ACOXL: variants seen among roughly 807,000 people sequenced by gnomAD.
ACOXL encodes acyl-CoA oxidase like.
A neutral mutation model predicts 71.9 loss-of-function variants in ACOXL; 70 were observed. The observed-to-expected ratio is 0.97, with a 90% confidence interval of 0.80 to 1.19. The LOEUF is 1.19. Ranked by LOEUF, ACOXL falls within the 50% of genes most tolerant of loss-of-function variation. The pLI is 0.00. For synonymous variants in ACOXL, 253 were observed against 281.6 expected, an observed-to-expected ratio of 0.90 and a Z score of 1.02; for missense variants, 703 against 736.3, an observed-to-expected ratio of 0.95 and a Z score of 0.52.
At chr2:110,807,253 C>G (rs1289707479) in intron 9 of ACOXL, among the ~76,000 whole-genome samples, 1 of 152,224 alleles carries the variant, frequency 6.6e-6, no homozygotes, top group Non-Finnish European at 1.5e-5. Context: ...CTCTAGGGCT[C>G]AGTTTCTTCA....
At chr2:110,826,430 G>A (rs1689168384) in intron 9 of ACOXL, among the ~76,000 whole-genome samples, 1 of 152,214 alleles carries the variant, frequency 6.6e-6, no homozygotes, top group African/African-American at 2.4e-5. Context: ...GAAGAGTCAT[G>A]CTTCCTTCTC....
chr2:110,895,448 C>T (rs1185766662), intron 10 of ACOXL, among the ~76,000 whole-genome samples: 1 of 152,020 alleles, frequency 6.6e-6, no homozygotes, highest in African/African-American at 2.4e-5. Flanking sequence ...AAAGATCTAA[C>T]ATTTGTGTCT....
intron 10 of ACOXL, among the ~76,000 whole-genome samples, chr2:110,897,750 G>A (rs1168235793): frequency 6.0e-5 from 9 of 150,844 alleles, no homozygotes; most frequent in African/African-American, 7.3e-5. Flanking sequence ...AAAGACAAGC[G>A]CAGAAATCAA....
At chr2:111,106,275 C>T (rs2069534748) in intron 17 of ACOXL, among the ~76,000 whole-genome samples, 1 of 152,180 alleles carries the variant, frequency 6.6e-6, no homozygotes, top group South Asian at 2.1e-4. Context: ...CCAATTCCTT[C>T]CACTGTCCCC....
At chr2:110,762,412 T>C (rs1440026689) in intron 1 of ACOXL, among the ~76,000 whole-genome samples, 1 of 152,132 alleles carries the variant, frequency 6.6e-6, no homozygotes, top group Non-Finnish European at 1.5e-5. Flanking sequence ...TTTCTCTTAT[T>C]TTTTTTGTTT....
chr2:110,798,641 C>T lies in ACOXL; in HGVS notation c.377C>T (p.Ala126Val), dbSNP rs551873770. ...EFVIDTPCENAEKMYIGNAMY... is the reference protein window; with the variant it reads ...EFVIDTPCENVEKMYIGNAMY... ...GTAATTGACACGCCGTGTGAAAATGCGGAGAAGATGTATATTGGAAATGCC... is the reference window on the plus strand; with the variant it reads ...GTAATTGACACGCCGTGTGAAAATGTGGAGAAGATGTATATTGGAAATGCC... The change falls in exon 6 of 18, where the codon GCG becomes GTG. Residue 126 changes from alanine (A) to valine (V), a missense_variant. Transcript: ENST00000439055. 94 of 1,613,970 alleles carry T rather than the reference C, an allele frequency of 5.8e-5. 1 individual carries two copies. Among genetic ancestry groups the T allele is most frequent in the South Asian group, 5.2e-4 (47 of 91,080 alleles).
intron 7 of ACOXL, among the ~76,000 whole-genome samples, 158 bp downstream of exon 7, chr2:110,799,258 T>C (rs1162957551): frequency 6.6e-6 from 1 of 152,230 alleles, no homozygotes; most frequent in Non-Finnish European, 1.5e-5. Flanking sequence ...TGAAGTCTTT[T>C]ATGTAGAACT....
chr2:111,083,944 G>T (rs1011365692), intron 16 of ACOXL, among the ~76,000 whole-genome samples: 10 of 152,046 alleles, frequency 6.6e-5, no homozygotes, highest in Non-Finnish European at 2.9e-5. Flanking sequence ...TTAGATATTA[G>T]ACTCTATAGA....
intron 14 of ACOXL, among the ~76,000 whole-genome samples, chr2:111,028,822 G>A (rs1002182196): frequency 3.9e-5 from 6 of 152,186 alleles, no homozygotes; most frequent in East Asian, 1.9e-4. Context: ...AGTATGGGAT[G>A]TTGTTGATAT....
At chr2:111,081,990 C>T (rs1347677197) in intron 16 of ACOXL, among the ~76,000 whole-genome samples, 2 of 152,112 alleles carry the variant, frequency 1.3e-5, no homozygotes, top group Non-Finnish European at 2.9e-5. Flanking sequence ...AAACTGGACC[C>T]CTTGCTTACA....
intron 9 of ACOXL, among the ~76,000 whole-genome samples, chr2:110,834,716 C>T (rs1251282364): frequency 1.3e-5 from 2 of 152,250 alleles, no homozygotes; most frequent in African/African-American, 4.8e-5. Context: ...TTTGAGTTCC[C>T]TCTCTGGAGA....
In ACOXL at chr2:110,896,480, G is replaced by A. The variant is rs187353816; in HGVS notation, c.789-12309G>A. ...TAACTGAACTCTATGCTGTCTATAA[G>A]AAACTCACTTCAAATGTAACAATAT... On this transcript the variant is annotated intron_variant, in intron 10 of 17. Coordinates refer to ENST00000439055, the MANE Select transcript of ACOXL (RefSeq NM_001142807.4). Among the ~76,000 whole-genome samples, 4 of 152,100 alleles carry A rather than the reference G, an allele frequency of 2.6e-5. No individual in the cohort carries two copies. The East Asian group carries it at 7.7e-4, about 29-fold the overall frequency.
intron 12 of ACOXL, among the ~76,000 whole-genome samples, chr2:110,939,923 G>T (rs2060807498): frequency 6.6e-6 from 1 of 152,170 alleles, no homozygotes; most frequent in South Asian, 2.1e-4. Flanking sequence ...GATTGGTATT[G>T]TCAGTACAGG....
At chr2:110,821,767 A>G (rs1200464240) in intron 9 of ACOXL, among the ~76,000 whole-genome samples, 1 of 152,156 alleles carries the variant, frequency 6.6e-6, no homozygotes, top group Non-Finnish European at 1.5e-5. Context: ...TTTCTCCCTC[A>G]TTATTTATCC....
chr2:110,945,942 T>C lies in ACOXL; in HGVS notation c.1059+12300T>C, dbSNP rs184968476. Among the ~76,000 whole-genome samples, 592 of 152,310 alleles carry C rather than the reference T, an allele frequency of 3.9e-3. 6 individuals carry two copies. Among genetic ancestry groups the C allele is most frequent in the African/African-American group, 0.014 (568 of 41,574 alleles). ...AATCTGTAAATTGCTTTGGGTAATA[T>C]GGCCATTTTAACACTATCAATTCTT... is the stretch of plus-strand genomic sequence containing the variant. On this transcript the variant is annotated intron_variant, in intron 12 of 17. Coordinates refer to ENST00000439055, the MANE Select transcript of ACOXL (RefSeq NM_001142807.4).
At chr2:110,939,835 G>T (rs1450082571) in intron 12 of ACOXL, among the ~76,000 whole-genome samples, 2 of 152,166 alleles carry the variant, frequency 1.3e-5, no homozygotes, top group Non-Finnish European at 2.9e-5. Context: ...CGTGTTTTAT[G>T]TGTGGCCCAA....
intron 2 of ACOXL, among the ~76,000 whole-genome samples, chr2:110,779,546 GAAGACTC>G (rs1255370812): frequency 6.6e-6 from 1 of 152,210 alleles, no homozygotes; most frequent in Non-Finnish European, 1.5e-5. Context: ...GACAAAGTTA[GAAGACTC>G]ACTACATGAC....
At chr2:111,082,369 T>C (rs1005953623) in intron 16 of ACOXL, among the ~76,000 whole-genome samples, 1 of 149,926 alleles carries the variant, frequency 6.7e-6, no homozygotes, top group Non-Finnish European at 1.5e-5. Flanking sequence ...GTGAAGGATA[T>C]GCATAGACAC....
intron 10 of ACOXL, among the ~76,000 whole-genome samples, chr2:110,871,366 TC>T (rs1695253696): frequency 6.6e-6 from 1 of 152,196 alleles, no homozygotes; most frequent in African/African-American, 2.4e-5. Context: ...ATACTCCACT[TC>T]CAGGACAGAA....
Sources: allele counts gnomAD v4.1 joint callset (sites outside exome capture counted in the v4.1 genomes callset), GRCh38; gene constraint gnomAD v4.1.1; transcripts MANE v1.5; gene names NCBI Gene and HGNC (gene_info 2026-07-23, HGNC 2026-07-21).